IL1RAPL2: variants seen among roughly 807,000 people sequenced by gnomAD.
IL1RAPL2 encodes the protein interleukin 1 receptor accessory protein like 2.
A neutral mutation model predicts 44.1 loss-of-function variants in IL1RAPL2; 3 were observed. The ratio of observed to expected loss-of-function variants is 0.07; its 90% CI spans 0.03 to 0.18. The LOEUF (loss-of-function observed/expected upper bound fraction) is 0.18, where lower values mean the gene tolerates loss of function less well. IL1RAPL2 is among the 10% of genes least tolerant of loss of function. The probability of loss-of-function intolerance (pLI) is 1.00; values close to 1 mark genes in which losing one functional copy is unlikely to be tolerated. For synonymous variants in IL1RAPL2, 181 were observed against 178.8 expected (o/e 1.01, Z -0.10); for missense variants, 391 against 496.4 (o/e 0.79, Z 2.02).
chrX:104,770,049 T>G (rs1001701661), intron 2 of IL1RAPL2, among the ~76,000 whole-genome samples: 9 of 111,145 alleles, frequency 8.1e-5, no homozygotes, highest in Non-Finnish European at 1.5e-4. Context: ...TGTCATGACA[T>G]CTAGGATTTT....
intron 2 of IL1RAPL2, among the ~76,000 whole-genome samples, chrX:104,872,430 A>C (rs1404100761): frequency 8.9e-6 from 1 of 111,937 alleles, no homozygotes; most frequent in African/African-American, 3.2e-5. Flanking sequence ...TTGGGCCATG[A>C]AGGGAGCCCA....
chrX:105,112,971 T>C (rs1052195618), intron 2 of IL1RAPL2, among the ~76,000 whole-genome samples: 3 of 112,685 alleles, frequency 2.7e-5, no homozygotes, highest in African/African-American at 6.4e-5. Flanking sequence ...TTTTAAAAGA[T>C]TGCTAGGCCT....
chrX:105,338,687 T>C (rs1433913624), intron 5 of IL1RAPL2, among the ~76,000 whole-genome samples: 3 of 111,790 alleles, frequency 2.7e-5, no homozygotes, highest in Non-Finnish European at 5.6e-5. Flanking sequence ...TTGAAAAGAG[T>C]CAGGCTTTTG....
Position 105,273,279 on chromosome X carries a change from A to G in IL1RAPL2, c.697+5738A>G, listed in dbSNP as rs148410500. On this transcript the variant is annotated intron_variant, in intron 5 of 10. Coordinates refer to ENST00000372582, the MANE Select transcript of IL1RAPL2 (RefSeq NM_017416.2). ...CAATACTTCAAAATGAAGGACTCAT[A>G]AGCAAGTTTGTCTTTGACCTTTTCC... Among the ~76,000 whole-genome samples, 529 of 110,778 alleles carry G rather than the reference A, an allele frequency of 4.8e-3. 4 individuals carry two copies. The highest frequency in any genetic ancestry group is 0.023 in the Middle Eastern group (5 of 215).
chrX:105,427,630 A>G (rs758260609), intron 5 of IL1RAPL2, among the ~76,000 whole-genome samples: 1 of 112,151 alleles, frequency 8.9e-6, no homozygotes. Context: ...ATCAAATTGG[A>G]TCAAATCTGA....
intron 6 of IL1RAPL2, among the ~76,000 whole-genome samples, chrX:105,595,615 T>C (rs938866863): frequency 2.7e-5 from 3 of 111,422 alleles, no homozygotes; most frequent in Non-Finnish European, 5.7e-5. Context: ...GTTTGTTTGT[T>C]TGTTTGTTTG....
intron 6 of IL1RAPL2, among the ~76,000 whole-genome samples, chrX:105,512,785 A>G (rs1238758354): frequency 1.8e-5 from 2 of 111,536 alleles, no homozygotes; most frequent in Non-Finnish European, 3.8e-5. Context: ...ATATATTTTT[A>G]TACTTTAAGT....
At chrX:105,365,599 TTC>T (rs763285713) in intron 5 of IL1RAPL2, among the ~76,000 whole-genome samples, 3 of 111,391 alleles carry the variant, frequency 2.7e-5, no homozygotes, top group Non-Finnish European at 3.8e-5. Flanking sequence ...TTTTTAGATA[TTC>T]TGTTTCTTCT....
chrX:104,895,656 T>G (rs1167472668), intron 2 of IL1RAPL2, among the ~76,000 whole-genome samples: 5 of 111,638 alleles, frequency 4.5e-5, no homozygotes, highest in Non-Finnish European at 9.4e-5. Context: ...AGGGTGGGAG[T>G]GGCCCGATTT....
At chrX:104,574,902 G>T (rs1928217179) in intron 1 of IL1RAPL2, among the ~76,000 whole-genome samples, 1 of 111,677 alleles carries the variant, frequency 9.0e-6, no homozygotes, top group African/African-American at 3.2e-5. Flanking sequence ...GTTAATTATA[G>T]GTGAAAAGAC....
chrX:105,584,792 A>G (rs1045192146), intron 6 of IL1RAPL2, among the ~76,000 whole-genome samples: 1 of 111,134 alleles, frequency 9.0e-6, no homozygotes, highest in Non-Finnish European at 1.9e-5. Context: ...GTTCAGCAAT[A>G]TGATTAAAGG....
intron 2 of IL1RAPL2, among the ~76,000 whole-genome samples, chrX:105,012,387 C>G (rs971195828): frequency 5.4e-5 from 6 of 110,451 alleles, no homozygotes; most frequent in African/African-American, 2.0e-4. Flanking sequence ...GAAGGATACA[C>G]AGTGGTTCAT....
intron 5 of IL1RAPL2, among the ~76,000 whole-genome samples, chrX:105,360,047 T>C (rs2035236311): frequency 1.8e-5 from 2 of 111,363 alleles, no homozygotes; most frequent in South Asian, 7.6e-4. Context: ...CCTCTTTGTA[T>C]GTTTTATAGT....
At chrX:105,028,319 AACT>A (rs2031413247) in intron 2 of IL1RAPL2, among the ~76,000 whole-genome samples, 2 of 111,292 alleles carry the variant, frequency 1.8e-5, no homozygotes, top group African/African-American at 6.5e-5. Flanking sequence ...ATATAAAAAT[AACT>A]ACAAGACTGT....
intron 6 of IL1RAPL2, among the ~76,000 whole-genome samples, chrX:105,715,131 T>C (rs1338465162): frequency 8.9e-6 from 1 of 111,950 alleles, no homozygotes; most frequent in Non-Finnish European, 1.9e-5. Flanking sequence ...TTGTGGATTA[T>C]CTTAAGGAAG....
At chrX:104,826,769 A>G (rs918712388) in intron 2 of IL1RAPL2, among the ~76,000 whole-genome samples, 2 of 109,965 alleles carry the variant, frequency 1.8e-5, no homozygotes, top group African/African-American at 6.6e-5. Flanking sequence ...GTCTTGAAGA[A>G]CTTGCTTTAT....
chrX:105,247,755 GCTAA>G (rs2034234200), intron 4 of IL1RAPL2, among the ~76,000 whole-genome samples: 1 of 108,359 alleles, frequency 9.2e-6, no homozygotes, highest in African/African-American at 3.4e-5. Context: ...AATAACTAAT[GCTAA>G]CTGTTAAATA....
intron 1 of IL1RAPL2, among the ~76,000 whole-genome samples, chrX:104,605,462 T>G (rs1928986994): frequency 9.0e-6 from 1 of 110,944 alleles, no homozygotes; most frequent in African/African-American, 3.3e-5. Context: ...AAGAAATAAC[T>G]AAGATCAGAG....
chrX:104,848,327 A>G lies in IL1RAPL2; in HGVS notation c.82+189332A>G, dbSNP rs184436657. On this transcript the variant is annotated intron_variant, in intron 2 of 10. Transcript: ENST00000372582. ...GTTTAAACTTTTAGTTTTGTCCTAT[A>G]TTTAAAAAATAGTCATCTTATTTTA... Among the ~76,000 whole-genome samples the G allele has an allele frequency of 2.8e-3, 293 of 105,834 alleles. 2 individuals are homozygous for G. Among genetic ancestry groups the G allele is most frequent in the African/African-American group, 9.7e-3 (282 of 29,143 alleles). The allele number at this position is 105,834 out of a possible 115,157, so 91.9% of individuals were successfully genotyped here. A position where few individuals can be genotyped will look rare whatever the true frequency, so the allele number is the denominator to read the frequency against.
Sources: gnomAD v4.1 joint callset for allele counts (sites outside exome capture counted in the v4.1 genomes callset) on GRCh38, gnomAD v4.1.1 for gene constraint, MANE v1.5 for transcripts, NCBI Gene and HGNC (gene_info 2026-07-23, HGNC 2026-07-21) for gene names.